CMYA5: variants seen among roughly 807,000 people sequenced by gnomAD.
The protein encoded by CMYA5 is cardiomyopathy associated 5.
CMYA5 carries 246 observed loss-of-function variants against 318.9 expected under a neutral mutation model. That is an observed-to-expected ratio of 0.77 (90% CI 0.70 to 0.86). CMYA5 has a LOEUF of 0.86. CMYA5 is among the 40% of genes least tolerant of loss of function. The pLI is 0.00. For synonymous variants in CMYA5, 1,641 were observed against 1,729.5 expected, an observed-to-expected ratio of 0.95 and a Z score of 1.27; for missense variants, 4,589 against 4,678.2, an observed-to-expected ratio of 0.98 and a Z score of 0.56.
chr5:79,791,616 A>T (rs1311590313), intron 11 of CMYA5, among the ~76,000 whole-genome samples: 1 of 148,942 alleles, frequency 6.7e-6, no homozygotes, highest in African/African-American at 2.5e-5. Context: ...AGCTACTCGG[A>T]GGCTGAGGCA....
intron 1 of CMYA5, among the ~76,000 whole-genome samples, chr5:79,707,780 C>T (rs1827302054): frequency 6.6e-6 from 1 of 152,220 alleles, no homozygotes. Context: ...TGCCTGAGCT[C>T]ACACAGTGCC....
intron 9 of CMYA5, among the ~76,000 whole-genome samples, chr5:79,769,586 G>C (rs1300846745): frequency 6.6e-6 from 1 of 152,106 alleles, no homozygotes; most frequent in Non-Finnish European, 1.5e-5. Flanking sequence ...CAGTTTGCTG[G>C]AGGTCCACTC....
At chr5:79,723,430 C>T (rs1403977707) in intron 1 of CMYA5, among the ~76,000 whole-genome samples, 1 of 135,902 alleles carries the variant, frequency 7.4e-6, no homozygotes, top group African/African-American at 2.8e-5. Context: ...CAGAGTGAGA[C>T]TCCATCTCAA....
chr5:79,703,858 A>G (rs1645366234), intron 1 of CMYA5, among the ~76,000 whole-genome samples: 1 of 152,244 alleles, frequency 6.6e-6, no homozygotes, highest in Admixed American at 6.5e-5. Flanking sequence ...TGAAAGGCTG[A>G]GGCAGAAGGA....
Position 79,734,815 on chromosome 5 carries a change from A to G in CMYA5, c.6050A>G (p.Glu2017Gly), listed in dbSNP as rs73773429. 3,784 of 1,613,748 alleles carry G rather than the reference A, an allele frequency of 2.3e-3. 59 individuals are homozygous for G. The African/African-American group carries it at 0.043, about 18-fold the overall frequency. The change falls in exon 2 of 13, where the codon GAA (glutamate) becomes GGA (glycine). Residue 2017 changes from glutamate to glycine, a missense_variant. This residue lies in a region of CMYA5 where 2,431 missense variants were observed against 2,495.1 expected (regional missense o/e 0.97). Coordinates refer to ENST00000446378, the MANE Select transcript of CMYA5 (RefSeq NM_153610.5). ...GKEIHSLMES[E>G]SLLLEKANTE... The stretch of plus-strand genomic sequence containing the variant: ...GAGATTCATTCTTTGATGGAGAGTG[A>G]AAGTTTGCTATTGGAGAAAGCAAAC...
intron 5 of CMYA5, 104 bp downstream of exon 5, chr5:79,747,217 ATT>A (rs933822572): frequency 5.6e-6 from 6 of 1,065,758 alleles, no homozygotes; most frequent in African/African-American, 1.6e-5. Context: ...TAAAAAATGC[ATT>A]TAGTGGGCTA....
At position 79,734,545 on chromosome 5, in the gene CMYA5, G is replaced by A. The variant is rs1455495186; in HGVS notation, c.5780G>A (p.Gly1927Glu). The change falls in exon 2 of 13, where the codon GGG becomes GAG. Residue 1927 changes from glycine (G) to glutamate (E), a missense_variant. Physicochemically the swap from Gly to Glu is moderately conservative, Grantham distance 98. Transcript: ENST00000446378. The stretch of plus-strand genomic sequence containing the variant: ...TCTAGCAGCAATGAGCTGAGGCCAG[G>A]GCAGCTCAAGGCTGCTGTGTCCAGT... ...DSSSSNELRPGQLKAAVSSKD... is the reference protein window; with the variant it reads ...DSSSSNELRPEQLKAAVSSKD... The A allele has an allele frequency of 6.2e-7, 1 of 1,613,764 alleles. No individual in the cohort carries two copies.
chr5:79,758,929 G>T (rs1485717428), intron 7 of CMYA5, 27 bp downstream of exon 7: 2 of 1,515,842 alleles, frequency 1.3e-6, no homozygotes, highest in South Asian at 2.7e-5. Context: ...AAATACAAAT[G>T]CATATGCATA....
At chr5:79,784,777 C>G (rs939610586) in intron 9 of CMYA5, among the ~76,000 whole-genome samples, 1 of 147,250 alleles carries the variant, frequency 6.8e-6, no homozygotes, top group African/African-American at 2.6e-5. Flanking sequence ...TGCTTCGGCT[C>G]GCTCACGGTG....
At chr5:79,707,516 A>T (rs2151077319) in intron 1 of CMYA5, among the ~76,000 whole-genome samples, 1 of 152,332 alleles carries the variant, frequency 6.6e-6, no homozygotes, top group South Asian at 2.1e-4. Context: ...TTAAAGAGGT[A>T]CCTTTTGGCT....
Position 79,752,670 on chromosome 5 carries a change from C to A in CMYA5, c.10992-6C>A. The A allele has an allele frequency of 1.9e-6, 3 of 1,599,468 alleles. No homozygotes were observed. Among genetic ancestry groups the A allele is most frequent in the Non-Finnish European group, 2.6e-6 (3 of 1,168,238 alleles). On this transcript the variant is annotated splice_polypyrimidine_tract_variant and splice_region_variant and intron_variant, in intron 5 of 12. Transcript: ENST00000446378. ...TTAACTTATGTAGAGCTCTATTCCC[C>A]GATAGGTTGCTTTCTGCAATGGAGA...
At chr5:79,778,502 A>C (rs1020131399) in intron 9 of CMYA5, among the ~76,000 whole-genome samples, 9 of 152,138 alleles carry the variant, frequency 5.9e-5, no homozygotes, top group African/African-American at 2.2e-4. Context: ...CATTTCTTTT[A>C]TTAGGTTGAA....
In CMYA5 at chr5:79,799,731, A is replaced by G; in HGVS notation, c.*115A>G. 1 of 1,350,814 alleles carries G rather than the reference A, an allele frequency of 7.4e-7. No homozygotes were observed. Among genetic ancestry groups the G allele is most frequent in the Non-Finnish European group, 9.9e-7 (1 of 1,008,828 alleles). The allele number at this position is 1,350,814 out of a possible 1,614,324, so 83.7% of individuals were successfully genotyped here. A position where few individuals can be genotyped will look rare whatever the true frequency, so the allele number is the denominator to read the frequency against. ...AGTCTCCCGCGCATTTGCACTAATG[A>G]TGGCTGCATGCATAGCAATCAGCAT... On this transcript the variant is annotated 3_prime_UTR_variant, in exon 13 of 13. Transcript: ENST00000446378.
chr5:79,765,760 G>T (rs1462006104), intron 9 of CMYA5, among the ~76,000 whole-genome samples: 2 of 152,254 alleles, frequency 1.3e-5, no homozygotes, highest in African/African-American at 4.8e-5. Flanking sequence ...AATTGGGAAT[G>T]GGCATTCACT....
chr5:79,789,210 G>C (rs1829134797), intron 10 of CMYA5, 106 bp downstream of exon 10: 1 of 1,273,130 alleles, frequency 7.9e-7, no homozygotes, highest in Non-Finnish European at 1.1e-6. Flanking sequence ...CCAACCTACT[G>C]TCAGTGGTAG....
At chr5:79,715,895 G>T (rs1827506899) in intron 1 of CMYA5, among the ~76,000 whole-genome samples, 1 of 152,180 alleles carries the variant, frequency 6.6e-6, no homozygotes, top group Non-Finnish European at 1.5e-5. Flanking sequence ...TGCTTACAGA[G>T]CATTGTGTCA....
At position 79,737,252 on chromosome 5, in the gene CMYA5, C is replaced by T. The variant is rs371801510; in HGVS notation, c.8487C>T (p.Asn2829=). Residue 2829 remains asparagine, a synonymous_variant, in exon 2 of 13, where the codon AAC becomes AAT. Coordinates refer to ENST00000446378, the MANE Select transcript of CMYA5 (RefSeq NM_153610.5). ...CTTCAGGAGCTTCTCCAGAAATTAA[C>T]GCAGTGAAGAAAAAAGAAATGCCAC... The part of the protein sequence containing the change: ...TLASGASPEI[N]AVKKKEMPRS... 6 of 1,613,592 alleles carry T rather than the reference C, an allele frequency of 3.7e-6. No homozygotes were observed. Among genetic ancestry groups the T allele is most frequent in the Non-Finnish European group, 5.1e-6 (6 of 1,179,804 alleles).
intron 11 of CMYA5, 93 bp downstream of exon 11, chr5:79,791,162 A>G (rs1829171621): frequency 5.2e-6 from 4 of 767,218 alleles, no homozygotes; most frequent in Non-Finnish European, 9.1e-6. Context: ...GAGCATATTC[A>G]TGGTGCAGTG....
chr5:79,714,679 A>G (rs1194642974), intron 1 of CMYA5, among the ~76,000 whole-genome samples: 1 of 151,936 alleles, frequency 6.6e-6, no homozygotes, highest in Non-Finnish European at 1.5e-5. Flanking sequence ...GGCTCAAGTG[A>G]TCCTCCTGAC....
Sources: allele counts gnomAD v4.1 joint callset (sites outside exome capture counted in the v4.1 genomes callset), GRCh38; gene constraint gnomAD v4.1.1; regional missense constraint gnomAD v4.1.1; transcripts MANE v1.5; gene names NCBI Gene and HGNC (gene_info 2026-07-23, HGNC 2026-07-21).